HECW2: variants seen among roughly 807,000 people sequenced by gnomAD.
The protein encoded by HECW2 is E3 ubiquitin-protein ligase HECW2.
In HECW2, 61 loss-of-function variants were observed where a neutral mutation model predicts 175.2. The ratio of observed to expected loss-of-function variants is 0.35; its 90% CI spans 0.28 to 0.43. HECW2 has a LOEUF of 0.43. Ranked by LOEUF, HECW2 falls within the 20% of genes least tolerant of loss-of-function variation. The pLI, the probability that HECW2 is intolerant of heterozygous loss-of-function variation, is 1.00. For missense variants in HECW2, 1,524 were observed against 2,000.5 expected (o/e 0.76, Z 4.54); for synonymous variants, 671 against 731.0 (o/e 0.92, Z 1.32).
intron 1 of HECW2, among the ~76,000 whole-genome samples, chr2:196,459,867 A>G (rs1296155110): frequency 6.6e-6 from 1 of 152,134 alleles, no homozygotes; most frequent in Non-Finnish European, 1.5e-5. Context: ...ATGCCGCCAT[A>G]GTTAAAAACC....
chr2:196,583,901 TG>T (rs959174897), intron 1 of HECW2, among the ~76,000 whole-genome samples: 1 of 152,176 alleles, frequency 6.6e-6, no homozygotes, highest in Non-Finnish European at 1.5e-5. Context: ...CAATAACTAG[TG>T]TACCACCTAA....
At chr2:196,442,715 G>T (rs1455706686) in intron 1 of HECW2, among the ~76,000 whole-genome samples, 1 of 152,040 alleles carries the variant, frequency 6.6e-6, no homozygotes, top group Non-Finnish European at 1.5e-5. Context: ...ATTAAATTGT[G>T]TTAATAACAC....
chr2:196,398,336 A>G (rs534286847), intron 2 of HECW2, among the ~76,000 whole-genome samples: 1 of 152,344 alleles, frequency 6.6e-6, no homozygotes, highest in East Asian at 1.9e-4. Flanking sequence ...AAACACAGAC[A>G]TATAGTAAAA....
At chr2:196,478,473 G>A (rs1686734337) in intron 1 of HECW2, among the ~76,000 whole-genome samples, 1 of 152,044 alleles carries the variant, frequency 6.6e-6, no homozygotes, top group Admixed American at 6.5e-5. Flanking sequence ...TATCTATCTA[G>A]TTCTTTAAGT....
chr2:196,397,900 A>G (rs996009247), intron 2 of HECW2, among the ~76,000 whole-genome samples: 3 of 152,204 alleles, frequency 2.0e-5, no homozygotes, highest in Non-Finnish European at 2.9e-5. Context: ...CCTGCTCCCA[A>G]AGATATTCAT....
At chr2:196,418,629 G>A (rs1462051008) in intron 2 of HECW2, among the ~76,000 whole-genome samples, 1 of 152,086 alleles carries the variant, frequency 6.6e-6, no homozygotes, top group Non-Finnish European at 1.5e-5. Flanking sequence ...TCGGAAACAA[G>A]AGAATAAGAA....
chr2:196,205,089 T>G (rs2105768136), intron 28 of HECW2, among the ~76,000 whole-genome samples: 1 of 152,364 alleles, frequency 6.6e-6, no homozygotes, highest in South Asian at 2.1e-4. Flanking sequence ...TATTGCTGCT[T>G]CATAAATTAC....
At chr2:196,456,879 C>T (rs1242635457) in intron 1 of HECW2, among the ~76,000 whole-genome samples, 4 of 152,126 alleles carry the variant, frequency 2.6e-5, no homozygotes, top group Admixed American at 1.3e-4. Flanking sequence ...ATTTAAGCAA[C>T]CTCGGGTTTT....
At chr2:196,395,157 A>G (rs1414357274) in intron 2 of HECW2, among the ~76,000 whole-genome samples, 1 of 152,202 alleles carries the variant, frequency 6.6e-6, no homozygotes, top group East Asian at 1.9e-4. Context: ...GGGAAGAAAC[A>G]AAGATTCAGA....
At chr2:196,453,012 A>G (rs79143367) in intron 1 of HECW2, among the ~76,000 whole-genome samples, 1,911 of 152,166 alleles carry the variant, frequency 0.013, 27 homozygotes, top group South Asian at 0.037. Flanking sequence ...TTTAAAGCTT[A>G]TTTTCTGTAA....
chr2:196,292,859 T>C, intron 13 of HECW2, 109 bp from the exon 14 acceptor site: 5 of 841,142 alleles, frequency 5.9e-6, no homozygotes, highest in Non-Finnish European at 9.3e-6. Flanking sequence ...GAAATGCATA[T>C]ATAAGCTTTG....
At chr2:196,419,478 T>A (rs770601402) in intron 2 of HECW2, among the ~76,000 whole-genome samples, 18 of 152,306 alleles carry the variant, frequency 1.2e-4, no homozygotes, top group African/African-American at 2.6e-4. Flanking sequence ...CCAAATATCA[T>A]CTTCTTGGTA....
intron 1 of HECW2, among the ~76,000 whole-genome samples, chr2:196,437,185 G>A (rs1575541338): frequency 1.3e-5 from 2 of 152,102 alleles, no homozygotes; most frequent in East Asian, 1.9e-4. Flanking sequence ...AAAAAGAAAC[G>A]CATGAAGAGC....
At chr2:196,282,213 G>C (rs535621932) in intron 14 of HECW2, among the ~76,000 whole-genome samples, 1 of 152,286 alleles carries the variant, frequency 6.6e-6, no homozygotes, top group South Asian at 2.1e-4. Context: ...GTAAAACATA[G>C]TACTTCTGGG....
intron 5 of HECW2, 144 bp from the exon 6 acceptor site, chr2:196,325,293 G>A (rs1692106776): frequency 2.5e-6 from 1 of 401,326 alleles, no homozygotes; most frequent in Non-Finnish European, 4.3e-6. Context: ...AAGATAATTT[G>A]TTCTTAAATA....
intron 2 of HECW2, among the ~76,000 whole-genome samples, chr2:196,409,780 G>A (rs1483179061): frequency 6.6e-6 from 1 of 152,176 alleles, no homozygotes; most frequent in Non-Finnish European, 1.5e-5. Context: ...GGGCAGGAAT[G>A]AAAAGTGCCA....
chr2:196,580,588 C>T (rs1355353663), intron 1 of HECW2, among the ~76,000 whole-genome samples: 1 of 149,868 alleles, frequency 6.7e-6, no homozygotes. Context: ...TGTTCAACAT[C>T]ATTAGTCATC....
intron 1 of HECW2, among the ~76,000 whole-genome samples, chr2:196,504,134 A>G (rs1445116706): frequency 6.6e-6 from 1 of 152,026 alleles, no homozygotes; most frequent in African/African-American, 2.4e-5. Context: ...CATCACCACT[A>G]AAAATACAAA....
intron 17 of HECW2, among the ~76,000 whole-genome samples, chr2:196,270,024 T>C (rs1402947927): frequency 6.6e-6 from 1 of 152,206 alleles, no homozygotes; most frequent in Non-Finnish European, 1.5e-5. Context: ...CAGGTGATAC[T>C]GATGAAAACA....
Sources: gnomAD v4.1 joint callset for allele counts (sites outside exome capture counted in the v4.1 genomes callset) on GRCh38, gnomAD v4.1.1 for gene constraint, MANE v1.5 for transcripts, NCBI Gene and HGNC (gene_info 2026-07-23, HGNC 2026-07-21) for gene names.